The following DHX57 variants were observed in gnomAD, a reference collection of about 807,000 sequenced individuals.
The protein encoded by DHX57 is DExH-box helicase 57, also known as putative ATP-dependent RNA helicase DHX57.
Under a neutral mutation model 156.2 loss-of-function variants are expected in DHX57, and 105 were observed. That is an observed-to-expected ratio of 0.67 (90% CI 0.57 to 0.79). The LOEUF is 0.79. Ranked by LOEUF, DHX57 falls within the 30% of genes least tolerant of loss-of-function variation. The pLI is 0.00. For synonymous variants in DHX57, 704 were observed against 595.6 expected (o/e 1.18, Z -2.65); for missense variants, 1,847 against 1,661.9 (o/e 1.11, Z -1.94).
chr2:38,854,139 G>A lies in DHX57; in HGVS notation c.1945C>T (p.Leu649=). The change falls in exon 9 of 24, where the codon CTG becomes TTG. Residue 649 remains leucine, a synonymous_variant. Coordinates refer to ENST00000457308, the MANE Select transcript of DHX57 (RefSeq NM_198963.3). ...TRLLYCTTGV[L]LRRLEGDTAL... ...GTATCTCCTTCTAGCCTTCTCAGCAGCACTCCCGTGGTGCAGTATAACAGT... is the reference window on the plus strand; with the variant it reads ...GTATCTCCTTCTAGCCTTCTCAGCAACACTCCCGTGGTGCAGTATAACAGT... 6.2e-7 allele frequency: 1 copy of A among 1,613,616 alleles called. No homozygotes were observed. Among genetic ancestry groups the A allele is most frequent in the Non-Finnish European group, 8.5e-7 (1 of 1,179,570 alleles).
At chr2:38,818,768 A>G in intron 19 of DHX57, 109 bp downstream of exon 19, 1 of 1,263,062 alleles carries the variant, frequency 7.9e-7, no homozygotes, top group East Asian at 2.4e-5. Context: ...AACATATTCC[A>G]GAAATAACAT....
chr2:38,846,880 G>T, intron 11 of DHX57, 139 bp downstream of exon 11: 1 of 515,744 alleles, frequency 1.9e-6, no homozygotes. Context: ...AATAGATGGG[G>T]GTCCCAATAT....
chr2:38,813,082 G>A (rs1402575904), intron 21 of DHX57, among the ~76,000 whole-genome samples: 1 of 151,998 alleles, frequency 6.6e-6, no homozygotes, highest in African/African-American at 2.4e-5. Flanking sequence ...TCCTGACTTC[G>A]TGATCTGCCC....
At chr2:38,810,603 C>T in intron 21 of DHX57, 3 of 616,534 alleles carry the variant, frequency 4.9e-6, no homozygotes, top group Non-Finnish European at 6.1e-6. Flanking sequence ...AGAGGATGTA[C>T]ACCTGGCCCT....
intron 15 of DHX57, 103 bp from the exon 16 acceptor site, chr2:38,826,150 A>G: frequency 8.4e-7 from 1 of 1,193,844 alleles, no homozygotes; most frequent in Non-Finnish European, 1.2e-6. Context: ...CTGTAGAGGG[A>G]CACAGTGCCC....
chr2:38,819,240 T>TC, intron 17 of DHX57, 96 bp from the exon 18 acceptor site: 1 of 1,123,632 alleles, frequency 8.9e-7, no homozygotes, highest in Non-Finnish European at 1.3e-6. Flanking sequence ...AGTGGTGCGA[T>TC]CATAGCCCAC....
chr2:38,834,641 C>T (rs565447565), intron 13 of DHX57, among the ~76,000 whole-genome samples: 1 of 152,116 alleles, frequency 6.6e-6, no homozygotes, highest in South Asian at 2.1e-4. Flanking sequence ...CATGGCTATA[C>T]GAAGTGCCAC....
intron 14 of DHX57, 88 bp from the exon 15 acceptor site, chr2:38,826,777 T>C (rs1671109112): frequency 7.1e-6 from 10 of 1,412,796 alleles, no homozygotes; most frequent in Non-Finnish European, 9.6e-6. Context: ...AAACCAACAA[T>C]ATGACTTCAG....
At chr2:38,821,236 A>C (rs966569309) in intron 17 of DHX57, among the ~76,000 whole-genome samples, 30 of 152,270 alleles carry the variant, frequency 2.0e-4, no homozygotes, top group African/African-American at 7.0e-4. Flanking sequence ...AAAAACTGAG[A>C]GCTATACATG....
chr2:38,871,767 C>T (rs540019614), intron 1 of DHX57, among the ~76,000 whole-genome samples: 41 of 149,956 alleles, frequency 2.7e-4, no homozygotes, highest in Non-Finnish European at 4.7e-4. Flanking sequence ...AGTGCAGTAG[C>T]GTGGTCTCAG....
intron 21 of DHX57, among the ~76,000 whole-genome samples, chr2:38,812,006 A>C (rs905072135): frequency 1.3e-5 from 2 of 151,922 alleles, no homozygotes; most frequent in African/African-American, 4.8e-5. Context: ...CAATCCGCCC[A>C]CCTCAGCCTC....
chr2:38,809,917 G>T (rs554916775), intron 21 of DHX57, among the ~76,000 whole-genome samples: 1 of 151,298 alleles, frequency 6.6e-6, no homozygotes, highest in South Asian at 2.1e-4. Context: ...TTTTTGAGAC[G>T]GAGTCATGTT....
chr2:38,802,688 C>A, intron 23 of DHX57, 27 bp downstream of exon 23: 1 of 1,613,066 alleles, frequency 6.2e-7, no homozygotes, highest in Non-Finnish European at 8.5e-7. Context: ...GCCTGAGCCT[C>A]ATAAAACAGA....
At chr2:38,851,582 A>G (rs1672596943) in intron 9 of DHX57, among the ~76,000 whole-genome samples, 1 of 152,142 alleles carries the variant, frequency 6.6e-6, no homozygotes. Flanking sequence ...TTCAGATGTG[A>G]ACATCTTTTG....
intron 20 of DHX57, among the ~76,000 whole-genome samples, 193 bp from the exon 21 acceptor site, chr2:38,814,088 C>G (rs987193575): frequency 6.6e-6 from 1 of 152,156 alleles, no homozygotes; most frequent in Non-Finnish European, 1.5e-5. Flanking sequence ...CAGGCATACA[C>G]CGCTATGCCC....
At chr2:38,800,301 C>T (rs1446655165) in intron 23 of DHX57, among the ~76,000 whole-genome samples, 89 of 152,040 alleles carry the variant, frequency 5.9e-4, no homozygotes, top group Admixed American at 5.8e-3. Flanking sequence ...TTGCAGTGAA[C>T]CGAGATTGCG....
At position 38,813,894 on chromosome 2, in the gene DHX57, G is replaced by C. The variant is rs764554764; in HGVS notation, c.3608C>G (p.Ala1203Gly). ...DGVLDATGEE[A>G]NSNAENPKLI... is the part of the protein sequence containing the mutation. Reference sequence around the variant, plus strand: ...CTTGGGGTTCTCAGCATTTGAGTTTGCCTATGAGAAAAGCACAGCATTAAT... The same window carrying C: ...CTTGGGGTTCTCAGCATTTGAGTTTCCCTATGAGAAAAGCACAGCATTAAT... Residue 1203 changes from alanine to glycine, a missense_variant and splice_region_variant, in exon 21 of 24, where the codon GCA becomes GGA. Transcript: ENST00000457308. 16 of 1,612,606 alleles carry C rather than the reference G, an allele frequency of 9.9e-6. No homozygotes were observed. Among genetic ancestry groups the C allele is most frequent in the African/African-American group, 2.7e-5 (2 of 74,874 alleles).
chr2:38,832,341 G>C (rs976727308), intron 13 of DHX57, among the ~76,000 whole-genome samples: 1 of 152,072 alleles, frequency 6.6e-6, no homozygotes, highest in East Asian at 2.0e-4. Flanking sequence ...ACGGGAGGCT[G>C]AGGCAGGACA....
rs905103115 is a variant in DHX57 at position 38,811,728 on chromosome 2, T to C, written c.3681+2093A>G. ...ATGGCTCAGTGAACCACTCGGGGCC[T>C]GGGGAGCAAAGGCAGGCAACAGAGC... On this transcript the variant is annotated intron_variant, in intron 21 of 23. Transcript: ENST00000457308. 7 of 626,534 alleles carry C rather than the reference T, an allele frequency of 1.1e-5. No individual in the cohort carries two copies. The Admixed American group carries it at 1.5e-4, about 13-fold the overall frequency. The allele number at this position is 626,534 out of a possible 1,614,324, so 38.8% of individuals were successfully genotyped here.
Sources: allele counts gnomAD v4.1 joint callset (sites outside exome capture counted in the v4.1 genomes callset), GRCh38; gene constraint gnomAD v4.1.1; transcripts MANE v1.5; gene names NCBI Gene and HGNC (gene_info 2026-07-23, HGNC 2026-07-21).